HECW2: variants seen among roughly 807,000 people sequenced by gnomAD.
The protein encoded by HECW2 is HECT, C2 and WW domain containing E3 ubiquitin protein ligase 2, also known as E3 ubiquitin-protein ligase HECW2.
A neutral mutation model predicts 175.2 loss-of-function variants in HECW2; 61 were observed. That is an observed-to-expected ratio of 0.35 (90% confidence interval 0.28 to 0.43). The LOEUF (loss-of-function observed/expected upper bound fraction) is 0.43. Ranked by LOEUF, HECW2 falls within the 20% of genes least tolerant of loss-of-function variation. The probability of loss-of-function intolerance (pLI) is 1.00; values close to 1 mark genes in which losing one functional copy is unlikely to be tolerated. For missense variants in HECW2, 1,524 were observed against 2,000.5 expected (o/e 0.76, Z 4.54); for synonymous variants, 671 against 731.0 (o/e 0.92, Z 1.32).
chr2:196,327,816 A>C (rs1175230291), intron 5 of HECW2, among the ~76,000 whole-genome samples: 5 of 152,212 alleles, frequency 3.3e-5, no homozygotes, highest in Non-Finnish European at 5.9e-5. Context: ...GTTGGAAGAA[A>C]TGTGTAAGGA....
chr2:196,348,796 T>C (rs2045274), intron 2 of HECW2, among the ~76,000 whole-genome samples: 40,228 of 152,162 alleles, frequency 0.26, 6,963 homozygotes, highest in African/African-American at 0.49. Context: ...CACTGGTCTT[T>C]AAAACCAAGT....
At chr2:196,215,036 C>A (rs767622) in intron 28 of HECW2, among the ~76,000 whole-genome samples, 33,581 of 152,108 alleles carry the variant, frequency 0.22, 4,311 homozygotes, top group East Asian at 0.45. Flanking sequence ...AAGTTAGAGG[C>A]AATTTCAGCT....
intron 1 of HECW2, among the ~76,000 whole-genome samples, chr2:196,589,791 C>T (rs767610396): frequency 6.6e-6 from 1 of 152,262 alleles, no homozygotes; most frequent in East Asian, 1.9e-4. Flanking sequence ...ACTGCTCTCC[C>T]AAATCAAAGG....
chr2:196,291,160 G>T (rs565459913), intron 14 of HECW2: 1 of 152,106 alleles, frequency 6.6e-6, no homozygotes, highest in South Asian at 2.1e-4. Flanking sequence ...GGAACTTTGG[G>T]GGGTAAATGG....
intron 1 of HECW2, among the ~76,000 whole-genome samples, chr2:196,454,844 T>C (rs757903537): frequency 2.0e-4 from 30 of 152,306 alleles, no homozygotes; most frequent in Non-Finnish European, 4.1e-4. Flanking sequence ...ATTGTATCAT[T>C]GTACCTACCT....
At chr2:196,570,328 G>C (rs542189410) in intron 1 of HECW2, among the ~76,000 whole-genome samples, 1 of 152,262 alleles carries the variant, frequency 6.6e-6, no homozygotes, top group African/African-American at 2.4e-5. Flanking sequence ...TATCAAACCA[G>C]CTACCTTCTG....
At chr2:196,252,910 T>C (rs1688911294) in intron 19 of HECW2, among the ~76,000 whole-genome samples, 1 of 152,206 alleles carries the variant, frequency 6.6e-6, no homozygotes, top group African/African-American at 2.4e-5. Flanking sequence ...TTCTCATACA[T>C]TTCTTCATTA....
chr2:196,257,678 C>A (rs1309245830), intron 18 of HECW2, 145 bp downstream of exon 18: 9 of 620,236 alleles, frequency 1.5e-5, no homozygotes, highest in Non-Finnish European at 2.5e-5. Context: ...TCAATCAGCA[C>A]CCTAAATCTT....
chr2:196,479,646 A>G (rs1319325749), intron 1 of HECW2, among the ~76,000 whole-genome samples: 1 of 152,216 alleles, frequency 6.6e-6, no homozygotes, highest in Non-Finnish European at 1.5e-5. Context: ...GTGTTAACAC[A>G]GTACTCAATA....
At chr2:196,395,666 C>A (rs1694639295) in intron 2 of HECW2, among the ~76,000 whole-genome samples, 1 of 150,552 alleles carries the variant, frequency 6.6e-6, no homozygotes, top group South Asian at 2.1e-4. Flanking sequence ...AAGCCAAAAT[C>A]ACAATGATAC....
chr2:196,260,765 AAGGAACCACTTCTTGGTTACC>A (rs1435893093), intron 17 of HECW2, among the ~76,000 whole-genome samples: 1 of 152,222 alleles, frequency 6.6e-6, no homozygotes, highest in East Asian at 1.9e-4. Flanking sequence ...GAGAAAAACA[AAGGAACCACTTCTTGGTTACC>A]AGGTATTTGC....
intron 2 of HECW2, among the ~76,000 whole-genome samples, chr2:196,376,373 G>A (rs1187282906): frequency 6.6e-6 from 1 of 152,192 alleles, no homozygotes; most frequent in African/African-American, 2.4e-5. Flanking sequence ...GCTCATGCCT[G>A]TAATCCCAGC....
chr2:196,312,286 T>C (rs1364973377), intron 10 of HECW2, among the ~76,000 whole-genome samples: 2 of 152,158 alleles, frequency 1.3e-5, no homozygotes, highest in Admixed American at 6.5e-5. Context: ...TTGGTTATCA[T>C]TGGATTTAGT....
chr2:196,296,541 C>T (rs986071297), intron 13 of HECW2, among the ~76,000 whole-genome samples: 1 of 152,158 alleles, frequency 6.6e-6, no homozygotes, highest in Admixed American at 6.5e-5. Context: ...GGCCCAGCAT[C>T]CCACATTCTA....
intron 1 of HECW2, among the ~76,000 whole-genome samples, chr2:196,573,049 G>A (rs2125516828): frequency 6.6e-6 from 1 of 152,250 alleles, no homozygotes; most frequent in Admixed American, 6.5e-5. Context: ...GAGAAGAGGG[G>A]TGGAAAAACA....
chr2:196,573,405 C>G (rs920644973), intron 1 of HECW2, among the ~76,000 whole-genome samples: 4 of 151,878 alleles, frequency 2.6e-5, no homozygotes, highest in African/African-American at 9.7e-5. Context: ...CTATTTCCAT[C>G]ACTCTCTCCC....
At position 196,470,751 on chromosome 2, in the gene HECW2, T is replaced by C. The variant is rs147719705; in HGVS notation, c.-35-37293A>G. ...GAGTGTGGAGAAATAGACCCATTGATATATGGAAGCTTTATATATGAAAGT... is the reference window on the plus strand; with the variant it reads ...GAGTGTGGAGAAATAGACCCATTGACATATGGAAGCTTTATATATGAAAGT... On this transcript the variant is annotated intron_variant, in intron 1 of 28. Transcript: ENST00000644978. 9.2e-5 allele frequency among the ~76,000 whole-genome samples: 14 copies of C among 152,266 alleles called. No homozygotes were observed. The East Asian group carries it at 1.9e-3, about 21-fold the overall frequency.
chr2:196,544,296 C>G (rs1207853089), intron 1 of HECW2, among the ~76,000 whole-genome samples: 4 of 152,220 alleles, frequency 2.6e-5, no homozygotes, highest in Non-Finnish European at 5.9e-5. Context: ...GCTGGCTTCC[C>G]TCCCTCAGCC....
intron 2 of HECW2, among the ~76,000 whole-genome samples, chr2:196,384,928 T>C (rs1372679857): frequency 6.6e-6 from 1 of 152,144 alleles, no homozygotes; most frequent in African/African-American, 2.4e-5. Flanking sequence ...TCTTTCACTT[T>C]TTTTTTTAGT....
Sources: gnomAD v4.1 joint callset for allele counts (sites outside exome capture counted in the v4.1 genomes callset) on GRCh38, gnomAD v4.1.1 for gene constraint, MANE v1.5 for transcripts, NCBI Gene and HGNC (gene_info 2026-07-23, HGNC 2026-07-21) for gene names.